Variants in EML6 observed in about 807,000 individuals in gnomAD.
EML6 encodes the protein EMAP like 6.
A neutral mutation model predicts 240.1 loss-of-function variants in EML6; 154 were observed. The ratio of observed to expected loss-of-function variants is 0.64; its 90% CI spans 0.56 to 0.73. EML6 has a LOEUF of 0.73. Ranked by LOEUF, EML6 falls within the 30% of genes least tolerant of loss-of-function variation. The pLI is 0.00. For missense variants in EML6, 2,964 were observed against 2,474.6 expected, an observed-to-expected ratio of 1.20 and a Z score of -4.20; for synonymous variants, 1,148 against 899.0, an observed-to-expected ratio of 1.28 and a Z score of -4.95.
At position 54,849,999 on chromosome 2, in the gene EML6, G is replaced by C. The variant is rs146306448; in HGVS notation, c.1225G>C (p.Glu409Gln). 3.3e-4 allele frequency: 519 copies of C among 1,551,534 alleles called. 2 individuals are homozygous for C. In the African/African-American group the frequency reaches 6.5e-3, roughly 20 times the overall value. The stretch of plus-strand genomic sequence containing the variant: ...AGTAGTTCACATCAAAGATCGAAAA[G>C]AAGTCATTCATGAAATGAAATTTTC... ...TEVVHIKDRK[E>Q]VIHEMKFSPD... The change falls in exon 10 of 42, where the codon GAA (glutamate) becomes CAA (glutamine). Residue 409 changes from glutamate (E) to glutamine (Q), a missense_variant. Physicochemically the swap from Glu to Gln is conservative, Grantham distance 29. Transcript: ENST00000356458.
At chr2:54,922,771 T>C (rs1035131598) in intron 26 of EML6, among the ~76,000 whole-genome samples, 1 of 152,174 alleles carries the variant, frequency 6.6e-6, no homozygotes, top group East Asian at 1.9e-4. Context: ...CAGAAGGACA[T>C]GGTAAGTGAG....
At chr2:54,818,812 C>A (rs1203221371) in intron 4 of EML6, among the ~76,000 whole-genome samples, 1 of 152,246 alleles carries the variant, frequency 6.6e-6, no homozygotes, top group Non-Finnish European at 1.5e-5. Context: ...ACTGTTCTCC[C>A]AGACCCCATA....
At position 54,901,914 on chromosome 2, in the gene EML6, C is replaced by G. The variant is rs937058285; in HGVS notation, c.3125-1130C>G. On this transcript the variant is annotated intron_variant, in intron 22 of 41. Coordinates refer to ENST00000356458, the MANE Select transcript of EML6 (RefSeq NM_001039753.4). The stretch of plus-strand genomic sequence containing the variant: ...CTTTGCAAAGTCCATGCTCCTGATT[C>G]AGAAATGTCTTTGTGACCCTACAAA... 2.6e-5 allele frequency among the ~76,000 whole-genome samples: 4 copies of G among 152,202 alleles called. No homozygotes were observed. The South Asian group carries it at 6.2e-4, about 24-fold the overall frequency.
intron 2 of EML6, among the ~76,000 whole-genome samples, chr2:54,804,398 T>A (rs1188937335): frequency 6.6e-6 from 1 of 152,254 alleles, no homozygotes; most frequent in Admixed American, 6.5e-5. Context: ...AAACTTCTCA[T>A]TAGCAAATTG....
chr2:54,845,978 T>C (rs1334054808), intron 8 of EML6, among the ~76,000 whole-genome samples: 2 of 152,236 alleles, frequency 1.3e-5, no homozygotes, highest in Non-Finnish European at 2.9e-5. Flanking sequence ...GCACCCAACA[T>C]GTAAAGCCTT....
chr2:54,877,301 A>G (rs1379481124), intron 16 of EML6, among the ~76,000 whole-genome samples: 4 of 152,150 alleles, frequency 2.6e-5, no homozygotes, highest in African/African-American at 9.7e-5. Context: ...TTATAGCTAT[A>G]TAACGTAGTA....
intron 2 of EML6, among the ~76,000 whole-genome samples, chr2:54,761,579 G>A (rs551323912): frequency 8.5e-5 from 13 of 152,206 alleles, no homozygotes; most frequent in African/African-American, 3.1e-4. Context: ...TTGCAATTTG[G>A]TCAAAAGTGA....
Position 54,816,776 on chromosome 2 carries a change from C to A in EML6, c.358-11C>A. On this transcript the variant is annotated splice_polypyrimidine_tract_variant and intron_variant, in intron 3 of 41. Coordinates refer to ENST00000356458, the MANE Select transcript of EML6 (RefSeq NM_001039753.4). ...CACTTTTAGGTACTAAATTATTGTT[C>A]TTATTCTTAGCGTTTAGCCTCTGTG... 6.5e-7 allele frequency: 1 copy of A among 1,539,254 alleles called. No homozygotes were observed. Among genetic ancestry groups the A allele is most frequent in the Non-Finnish European group, 8.8e-7 (1 of 1,135,802 alleles).
At chr2:54,966,729 C>T (rs1356234683) in intron 38 of EML6, 4 of 222,172 alleles carry the variant, frequency 1.8e-5, no homozygotes, top group Non-Finnish European at 3.6e-5. Context: ...CTAGATGCAG[C>T]TGACGTTGCT....
intron 2 of EML6, among the ~76,000 whole-genome samples, chr2:54,796,614 A>G (rs889321982): frequency 2.0e-5 from 3 of 152,040 alleles, no homozygotes; most frequent in Non-Finnish European, 2.9e-5. Flanking sequence ...GTGTGCTTGC[A>G]TACACGAGCG....
intron 2 of EML6, among the ~76,000 whole-genome samples, chr2:54,776,390 C>T (rs973543361): frequency 1.3e-5 from 2 of 152,036 alleles, no homozygotes; most frequent in South Asian, 4.1e-4. Flanking sequence ...ATACATTTTG[C>T]GATTATTGCC....
At chr2:54,802,668 G>GCTACTA (rs1160838637) in intron 2 of EML6, among the ~76,000 whole-genome samples, 5 of 69,330 alleles carry the variant, frequency 7.2e-5, no homozygotes, top group East Asian at 4.1e-4. Flanking sequence ...TACTACTACT[G>GCTACTA]CTACTACTAC....
intron 24 of EML6, among the ~76,000 whole-genome samples, chr2:54,909,333 C>A (rs557686174): frequency 2.0e-5 from 3 of 152,276 alleles, no homozygotes; most frequent in East Asian, 1.9e-4. Context: ...ATAACTAACT[C>A]CCTTTTTTCT....
At chr2:54,785,296 C>T (rs1469150531) in intron 2 of EML6, among the ~76,000 whole-genome samples, 2 of 151,878 alleles carry the variant, frequency 1.3e-5, no homozygotes, top group East Asian at 3.9e-4. Flanking sequence ...GTGCCTCAGC[C>T]TCTCGAGCAG....
intron 2 of EML6, among the ~76,000 whole-genome samples, chr2:54,789,415 G>A (rs1669281959): frequency 6.7e-6 from 1 of 148,910 alleles, no homozygotes; most frequent in Non-Finnish European, 1.5e-5. Context: ...TCGGGAGGCT[G>A]AGGCAGGAGA....
chr2:54,928,886 T>C (rs1294362776), intron 28 of EML6, 135 bp downstream of exon 28: 4 of 1,060,952 alleles, frequency 3.8e-6, no homozygotes, highest in Non-Finnish European at 5.5e-6. Flanking sequence ...AGTCTTCACC[T>C]GTACACAGGC....
intron 28 of EML6, among the ~76,000 whole-genome samples, chr2:54,940,805 C>A (rs927950721): frequency 6.6e-6 from 1 of 152,170 alleles, no homozygotes; most frequent in Non-Finnish European, 1.5e-5. Flanking sequence ...ACTTTTTGAT[C>A]TTTGTAGTAT....
intron 6 of EML6, 81 bp from the exon 7 acceptor site, chr2:54,829,261 T>G (rs1406652044): frequency 2.2e-6 from 3 of 1,373,058 alleles, no homozygotes; most frequent in Non-Finnish European, 2.9e-6. Flanking sequence ...CTTGCTATGT[T>G]TTTAAATCAA....
chr2:54,735,365 T>A (rs76053242), intron 2 of EML6, among the ~76,000 whole-genome samples: 4,644 of 152,340 alleles, frequency 0.03, 177 homozygotes, highest in Admixed American at 0.12. Context: ...TATTTCAAAT[T>A]ATTTGGAAGG....
Sources: allele counts gnomAD v4.1 joint callset (sites outside exome capture counted in the v4.1 genomes callset), GRCh38; gene constraint gnomAD v4.1.1; transcripts MANE v1.5; gene names NCBI Gene and HGNC (gene_info 2026-07-23, HGNC 2026-07-21).